RBM12: variants seen among roughly 807,000 people sequenced by gnomAD.
The protein encoded by RBM12 is RNA-binding protein 12.
In RBM12, 24 loss-of-function variants were observed where a neutral mutation model predicts 37.2. The ratio of observed to expected loss-of-function variants is 0.65; its 90% CI spans 0.47 to 0.91. The LOEUF (loss-of-function observed/expected upper bound fraction) is 0.91, where lower values mean the gene tolerates loss of function less well. RBM12 is among the 40% of genes least tolerant of loss of function. The pLI, the probability that RBM12 is intolerant of heterozygous loss-of-function variation, is 0.00. For missense variants in RBM12, 1,061 were observed against 1,183.2 expected (o/e 0.90, Z 1.52); for synonymous variants, 420 against 425.2 (o/e 0.99, Z 0.15).
Position 35,655,281 on chromosome 20 carries a change from C to T in RBM12, c.42G>A (p.Ala14=), listed in dbSNP as rs757319019. 2.0e-5 allele frequency: 32 copies of T among 1,612,356 alleles called. No individual in the cohort carries two copies. Among genetic ancestry groups the T allele is most frequent in the African/African-American group, 5.3e-5 (4 of 74,906 alleles). ...VIRLQGLPIV[A]GTMDIRHFFS... ...AGAAGTGGCGAATGTCCATGGTCCC[C>T]GCCACAATTGGGAGACCTTGCAAAC... Residue 14 remains alanine (A), a synonymous_variant, in exon 3 of 3, where the codon GCG becomes GCA. Coordinates refer to ENST00000374114, the MANE Select transcript of RBM12 (RefSeq NM_006047.6).
intron 1 of RBM12, among the ~76,000 whole-genome samples, chr20:35,659,361 T>C (rs2034103421): frequency 6.6e-6 from 1 of 152,196 alleles, no homozygotes; most frequent in Non-Finnish European, 1.5e-5. Context: ...GAAAACTCCG[T>C]AACACAAGTC....
chr20:35,659,760 C>T (rs1017042495), intron 1 of RBM12, among the ~76,000 whole-genome samples: 1 of 152,184 alleles, frequency 6.6e-6, no homozygotes, highest in Admixed American at 6.5e-5. Flanking sequence ...CTTTCACTGT[C>T]ATTTCTTCCA....
Position 35,655,356 on chromosome 20 carries a change from A to C in RBM12, c.-22-12T>G. ...GAAACCACACACACCTGCAGATGAGAAAAGGCAACGGCCAGGTCAGACTCC... is the reference window on the plus strand; with the variant it reads ...GAAACCACACACACCTGCAGATGAGCAAAGGCAACGGCCAGGTCAGACTCC... On this transcript the variant is annotated splice_polypyrimidine_tract_variant and intron_variant, in intron 2 of 2. Coordinates refer to ENST00000374114, the MANE Select transcript of RBM12 (RefSeq NM_006047.6). The C allele has an allele frequency of 6.3e-7, 1 of 1,575,222 alleles. No homozygotes were observed. Among genetic ancestry groups the C allele is most frequent in the Non-Finnish European group, 8.6e-7 (1 of 1,166,312 alleles).
Position 35,653,570 on chromosome 20 carries a change from G to C in RBM12, c.1753C>G (p.Leu585Val). Residue 585 changes from leucine to valine, a missense_variant, in exon 3 of 3, where the codon CTA becomes GTA. Physicochemically the swap from Leu to Val is conservative, Grantham distance 32. This residue lies in a region of RBM12 where 517 missense variants were observed against 534.0 expected (regional missense o/e 0.97). Transcript: ENST00000374114. ...TTAAACTGAACCAATGCCTGTCCTA[G>C]ACCTTGCCCATTGTTATCAACAAGA... ...HVLVDNNGQG[L>V]GQALVQFKNE... 1 of 1,614,148 alleles carries C rather than the reference G, an allele frequency of 6.2e-7. No individual in the cohort carries two copies. Among genetic ancestry groups the C allele is most frequent in the South Asian group, 1.1e-5 (1 of 91,076 alleles).
At position 35,653,771 on chromosome 20, in the gene RBM12, G is replaced by T. The variant is rs1233165676; in HGVS notation, c.1552C>A (p.Arg518=). 12 of 1,613,882 alleles carry T rather than the reference G, an allele frequency of 7.4e-6. No individual in the cohort carries two copies. Among genetic ancestry groups the T allele is most frequent in the Non-Finnish European group, 8.5e-6 (10 of 1,180,046 alleles). Residue 518 remains arginine (R), a synonymous_variant, in exon 3 of 3, where the codon CGA becomes AGA. Coordinates refer to ENST00000374114, the MANE Select transcript of RBM12 (RefSeq NM_006047.6). ...TAGCTGAAGTTCTGCAGTCTTTTTC[G>T]AATCATATCTATCTTTTCTAGCATA... The part of the protein sequence containing the change: ...KGMLEKIDMI[R]KRLQNFSYDQ...
chr20:35,657,678 G>A (rs2033978466), intron 2 of RBM12, among the ~76,000 whole-genome samples: 1 of 152,190 alleles, frequency 6.6e-6, no homozygotes, highest in African/African-American at 2.4e-5. Context: ...CAGCTGGAAA[G>A]GGCTGAATAT....
At chr20:35,655,492 A>G in intron 2 of RBM12, 148 bp from the exon 3 acceptor site, 1 of 710,772 alleles carries the variant, frequency 1.4e-6, no homozygotes, top group Non-Finnish European at 2.2e-6. Flanking sequence ...TATTCTAAAA[A>G]CTGAACATTA....
rs1245623743 is a variant in RBM12 at position 35,649,585 on chromosome 20, C to T, written c.*2939G>A. 1 of 152,480 alleles carries T rather than the reference C, an allele frequency of 6.6e-6. No individual in the cohort carries two copies. Among genetic ancestry groups the T allele is most frequent in the Non-Finnish European group, 1.5e-5 (1 of 67,988 alleles). 9.4% of individuals were successfully genotyped at this position (152,480 alleles called of 1,614,324 possible). A position where few individuals can be genotyped will look rare whatever the true frequency, so the allele number is the denominator to read the frequency against. ...AACACTGTTTCATTTTTTAAAAAGC[C>T]ACTAATAATAATTGTACATCCAAAC... On this transcript the variant is annotated 3_prime_UTR_variant, in exon 3 of 3. Coordinates refer to ENST00000374114, the MANE Select transcript of RBM12 (RefSeq NM_006047.6).
intron 1 of RBM12, 137 bp from the exon 2 acceptor site, chr20:35,659,151 AAAAAG>A (rs1300276846): frequency 4.2e-4 from 194 of 464,992 alleles, no homozygotes; most frequent in Non-Finnish European, 6.5e-4. Context: ...AAAAAAAAAA[AAAAAG>A]AAAGACACCG....
intron 1 of RBM12, among the ~76,000 whole-genome samples, chr20:35,662,437 T>C (rs1490073752): frequency 6.6e-6 from 1 of 152,244 alleles, no homozygotes; most frequent in African/African-American, 2.4e-5. Context: ...GATAAAATTA[T>C]CTTTTCTGTT....
At chr20:35,659,977 A>G (rs1461843102) in intron 1 of RBM12, among the ~76,000 whole-genome samples, 3 of 152,254 alleles carry the variant, frequency 2.0e-5, no homozygotes, top group Non-Finnish European at 4.4e-5. Context: ...TTCCAAGACC[A>G]AAATACAACT....
In RBM12 at chr20:35,652,351, T is replaced by A; in HGVS notation, c.*173A>T. 3 of 696,682 alleles carry A rather than the reference T, an allele frequency of 4.3e-6. No homozygotes were observed. The South Asian group carries it at 6.0e-5, about 14-fold the overall frequency. The allele number at this position is 696,682 out of a possible 1,614,324, so 43.2% of individuals were successfully genotyped here. ...TTACTGTAACATACAGCAATGTTTA[T>A]CCTGGTGAGTGAGTCTTCTGTAAAC... On this transcript the variant is annotated 3_prime_UTR_variant, in exon 3 of 3. Coordinates refer to ENST00000374114, the MANE Select transcript of RBM12 (RefSeq NM_006047.6).
rs1356474413 is a variant in RBM12, at chr20:35,653,439, C to A, written c.1884G>T (p.Glu628Asp). The change falls in exon 3 of 3, where the codon GAG (glutamate) becomes GAT (aspartate). Residue 628 changes from glutamate (E) to aspartate (D), a missense_variant. Physicochemically the swap from Glu to Asp is conservative, Grantham distance 45. Around this residue, in one of 3 missense-constraint regions of RBM12, gnomAD observed 517 missense variants for 534.0 expected, o/e 0.97. Coordinates refer to ENST00000374114, the MANE Select transcript of RBM12 (RefSeq NM_006047.6). Reference sequence around the variant, plus strand: ...TTTTTCCTTGGGCAGGGGGATTTTTCTCAATCTCTCTCATATCTTCTAGGG... The same window carrying A: ...TTTTTCCTTGGGCAGGGGGATTTTTATCAATCTCTCTCATATCTTCTAGGG... ...VVTLEDMREI[E>D]KNPPAQGKKG... is the part of the protein sequence containing the mutation. 4 of 1,613,798 alleles carry A rather than the reference C, an allele frequency of 2.5e-6. No homozygotes were observed. Among genetic ancestry groups the A allele is most frequent in the East Asian group, 4.5e-5 (2 of 44,900 alleles).
In RBM12 at chr20:35,653,344, A is replaced by G. The variant is rs200429756; in HGVS notation, c.1979T>C (p.Val660Ala). 1.9e-6 allele frequency: 3 copies of G among 1,613,832 alleles called. No individual in the cohort carries two copies. The highest frequency in any genetic ancestry group is 2.2e-5 in the East Asian group (1 of 44,822). Residue 660 changes from valine to alanine, a missense_variant, in exon 3 of 3, where the codon GTG (valine) becomes GCG (alanine). Physicochemically the swap from Val to Ala is moderately conservative, Grantham distance 64 (BLOSUM62 0). Around this residue, in one of 3 missense-constraint regions of RBM12, gnomAD observed 517 missense variants for 534.0 expected, o/e 0.97. Coordinates refer to ENST00000374114, the MANE Select transcript of RBM12 (RefSeq NM_006047.6). ...GGGAAGTCCTGCACTGGGCAGTCCCACACCGGGCAGTCCCGCATTGGGCAT... is the reference window on the plus strand; with the variant it reads ...GGGAAGTCCTGCACTGGGCAGTCCCGCACCGGGCAGTCCCGCATTGGGCAT... ...PGMPNAGLPG[V>A]GLPSAGLPGA...
chr20:35,655,480 G>A, intron 2 of RBM12, 136 bp from the exon 3 acceptor site: 1 of 751,742 alleles, frequency 1.3e-6, no homozygotes, highest in Non-Finnish European at 2.1e-6. Flanking sequence ...CTTTAATTTA[G>A]ATATTCTAAA....
intron 1 of RBM12, 102 bp downstream of exon 1, chr20:35,664,658 T>G (rs368981430): frequency 1.3e-5 from 2 of 152,500 alleles, no homozygotes. Context: ...GGGGCGCTAG[T>G]TGCCGCGGGC....
At position 35,654,350 on chromosome 20, in the gene RBM12, G is replaced by GA. The variant is rs745440094; in HGVS notation, c.972dup (p.His325SerfsTer6). 1 of 1,614,122 alleles carries GA rather than the reference G, an allele frequency of 6.2e-7. No homozygotes were observed. The highest frequency in any genetic ancestry group is 1.7e-5 in the Admixed American group (1 of 60,018). Reference sequence around the variant, plus strand: ...TGCACTGCATCAACACGGAGCCCATGAAAAAAATCTCTGACATCATTTTCC... The same window carrying GA: ...TGCACTGCATCAACACGGAGCCCATGAAAAAAAATCTCTGACATCATTTTCC... On this transcript the variant is annotated frameshift_variant, in exon 3 of 3. Coordinates refer to ENST00000374114, the MANE Select transcript of RBM12 (RefSeq NM_006047.6). LOFTEE classifies it high-confidence loss of function.
chr20:35,654,262 T>C lies in RBM12; in HGVS notation c.1061A>G (p.Gln354Arg), dbSNP rs771549637. The C allele has an allele frequency of 6.2e-7, 1 of 1,614,186 alleles. No homozygotes were observed. The highest frequency in any genetic ancestry group is 8.5e-7 in the Non-Finnish European group (1 of 1,180,028). ...TCGTTTCAAAGCTTCAAATGTATCT[T>C]GAGGGGAGAGAAACTTAACCAATCC... ...GNGLVKFLSP[Q>R]DTFEALKRNR... Residue 354 changes from glutamine to arginine, a missense_variant, in exon 3 of 3, where the codon CAA (glutamine) becomes CGA (arginine). Gln to Arg is a conservative substitution (Grantham distance 43). Coordinates refer to ENST00000374114, the MANE Select transcript of RBM12 (RefSeq NM_006047.6).
rs2033453053 is a variant in RBM12, at chr20:35,650,800, T to C, written c.*1724A>G. 1 of 152,634 alleles carries C rather than the reference T, an allele frequency of 6.6e-6. No individual in the cohort carries two copies. Among genetic ancestry groups the C allele is most frequent in the African/African-American group, 2.4e-5 (1 of 41,456 alleles). 9.5% of individuals were successfully genotyped at this position (152,634 alleles called of 1,614,324 possible). ...AAATTACACAACCGCTGTATTTCAG[T>C]GTTCCACTGACTCACAACACCAAAA... On this transcript the variant is annotated 3_prime_UTR_variant, in exon 3 of 3. Coordinates refer to ENST00000374114, the MANE Select transcript of RBM12 (RefSeq NM_006047.6).
Sources: allele counts gnomAD v4.1 joint callset (sites outside exome capture counted in the v4.1 genomes callset), GRCh38; gene constraint gnomAD v4.1.1; regional missense constraint gnomAD v4.1.1; transcripts MANE v1.5; gene names NCBI Gene and HGNC (gene_info 2026-07-23, HGNC 2026-07-21).